The following GPR176 variants were observed in gnomAD, a reference collection of about 807,000 sequenced individuals.
GPR176 encodes the protein G-protein coupled receptor 176.
Under a neutral mutation model 35.4 loss-of-function variants are expected in GPR176, and 26 were observed. The observed-to-expected ratio is 0.74, with a 90% CI of 0.54 to 1.02. The LOEUF (loss-of-function observed/expected upper bound fraction) is 1.02. Ranked by LOEUF, GPR176 falls within the 50% of genes least tolerant of loss-of-function variation. GPR176 has a pLI of 0.00. For missense variants in GPR176, 597 were observed against 665.3 expected (o/e 0.90, Z 1.13); for synonymous variants, 278 against 271.3 (o/e 1.02, Z -0.24).
At chr15:39,806,883 T>C in intron 2 of GPR176, 123 bp downstream of exon 2, 2 of 829,394 alleles carry the variant, frequency 2.4e-6, no homozygotes, top group Non-Finnish European at 3.7e-6. Flanking sequence ...ATTCCCTTTC[T>C]GTTGATCACA....
At chr15:39,841,671 T>C (rs901217364) in intron 1 of GPR176, among the ~76,000 whole-genome samples, 7 of 152,146 alleles carry the variant, frequency 4.6e-5, no homozygotes, top group Admixed American at 1.3e-4. Context: ...CCTGCCAACA[T>C]TGATTTCAGA....
chr15:39,888,492 G>A (rs895405985), intron 1 of GPR176, among the ~76,000 whole-genome samples: 6 of 152,158 alleles, frequency 3.9e-5, no homozygotes, highest in African/African-American at 1.2e-4. Flanking sequence ...GCCATGCTGT[G>A]ATCATAACTC....
At chr15:39,873,230 T>TCTC (rs2032114677) in intron 1 of GPR176, among the ~76,000 whole-genome samples, 1 of 152,154 alleles carries the variant, frequency 6.6e-6, no homozygotes, top group Non-Finnish European at 1.5e-5. Flanking sequence ...CTTAGAGAAG[T>TCTC]TAAGCAGCTC....
intron 1 of GPR176, among the ~76,000 whole-genome samples, chr15:39,880,271 G>T (rs990441012): frequency 3.3e-5 from 5 of 152,108 alleles, no homozygotes; most frequent in East Asian, 3.9e-4. Flanking sequence ...GTCTCTCCCT[G>T]CTGGGTCTGA....
chr15:39,863,925 A>G lies in GPR176; in HGVS notation c.172+55930T>C, dbSNP rs2031718205. ...CCCCATGGTTAAGCAAAGCATGACT[A>G]TGTATTGAATATAAGGCTTGTATAT... is the stretch of plus-strand genomic sequence containing the variant. On this transcript the variant is annotated intron_variant, in intron 1 of 2. Transcript: ENST00000561100. Among the ~76,000 whole-genome samples, 3 of 152,194 alleles carry G rather than the reference A, an allele frequency of 2.0e-5. 1 individual carries two copies. The South Asian group carries it at 6.2e-4, about 32-fold the overall frequency.
intron 1 of GPR176, among the ~76,000 whole-genome samples, chr15:39,908,811 G>A (rs991697521): frequency 2.6e-5 from 4 of 152,138 alleles, no homozygotes; most frequent in East Asian, 1.9e-4. Context: ...TATCAAGGAC[G>A]TTGATTGATT....
At chr15:39,802,302 A>C (rs1438132358) in intron 2 of GPR176, 48 bp from the exon 3 acceptor site, 1 of 1,412,218 alleles carries the variant, frequency 7.1e-7, no homozygotes, top group Non-Finnish European at 9.6e-7. Context: ...TACTTTTTAA[A>C]TTAGGGGAAC....
chr15:39,847,233 C>A (rs1226596038), intron 1 of GPR176, among the ~76,000 whole-genome samples: 2 of 135,580 alleles, frequency 1.5e-5, no homozygotes, highest in Non-Finnish European at 3.5e-5. Flanking sequence ...AGAGAATAAA[C>A]AGAAAACAAA....
chr15:39,876,745 T>C (rs766921314), intron 1 of GPR176, among the ~76,000 whole-genome samples: 3 of 151,750 alleles, frequency 2.0e-5, no homozygotes, highest in East Asian at 1.9e-4. Context: ...GGGAGGATGG[T>C]TGGAGCCCAG....
At chr15:39,912,104 G>A (rs8030654) in intron 1 of GPR176, among the ~76,000 whole-genome samples, 8 of 152,266 alleles carry the variant, frequency 5.3e-5, no homozygotes, top group South Asian at 2.1e-4. Flanking sequence ...ACAAGAAAAC[G>A]AGGTTTATGA....
intron 1 of GPR176, among the ~76,000 whole-genome samples, chr15:39,910,346 G>C (rs2033544089): frequency 6.6e-6 from 1 of 152,198 alleles, no homozygotes; most frequent in Non-Finnish European, 1.5e-5. Flanking sequence ...CCAGCACTTT[G>C]GGAGGCCAAG....
Position 39,800,341 on chromosome 15 carries a change from G to A in GPR176, c.*791C>T, listed in dbSNP as rs1413993395. 2 of 152,090 alleles carry A rather than the reference G, an allele frequency of 1.3e-5. No individual in the cohort carries two copies. Among genetic ancestry groups the A allele is most frequent in the East Asian group, 1.9e-4 (1 of 5,194 alleles). 9.4% of individuals were successfully genotyped at this position (152,090 alleles called of 1,614,324 possible). Reference sequence around the variant, plus strand: ...CCCGTAAGCTTCTCTCTCATTTGTTGAGAAAACACAATTTAAGGTGAAAGA... The same window carrying A: ...CCCGTAAGCTTCTCTCTCATTTGTTAAGAAAACACAATTTAAGGTGAAAGA... On this transcript the variant is annotated 3_prime_UTR_variant, in exon 3 of 3. Transcript: ENST00000561100.
At chr15:39,894,247 G>A (rs1238388473) in intron 1 of GPR176, among the ~76,000 whole-genome samples, 4 of 140,536 alleles carry the variant, frequency 2.8e-5, no homozygotes, top group African/African-American at 1.0e-4. Context: ...CGGGGCGGCT[G>A]GCCGGGTTGG....
intron 1 of GPR176, among the ~76,000 whole-genome samples, chr15:39,869,004 CAAA>C (rs113653046): frequency 7.1e-6 from 1 of 140,186 alleles, no homozygotes; most frequent in Non-Finnish European, 1.6e-5. Context: ...AATTCTGTCT[CAAA>C]AAAAAAAAAA....
At position 39,807,058 on chromosome 15, in the gene GPR176, T is replaced by C. The variant is rs142231161; in HGVS notation, c.373A>G (p.Lys125Glu). ...AGGATGGTCACAGAGCAGAATACTT[T>C]GTGCAAAAATTTGACGACCTTGCAG... ...LFCKVVKFLH[K>E]VFCSVTILSF... is the part of the protein sequence containing the mutation. Residue 125 changes from lysine to glutamate, a missense_variant, in exon 2 of 3, where the codon AAA (lysine) becomes GAA (glutamate). By Grantham distance (56) the Lys-to-Glu change is moderately conservative. Coordinates refer to ENST00000561100, the MANE Select transcript of GPR176 (RefSeq NM_007223.3). The C allele has an allele frequency of 1.2e-6, 2 of 1,613,856 alleles. No individual in the cohort carries two copies. Among genetic ancestry groups the C allele is most frequent in the East Asian group, 2.2e-5 (1 of 44,896 alleles).
intron 1 of GPR176, among the ~76,000 whole-genome samples, chr15:39,824,910 T>C (rs1470988069): frequency 3.3e-5 from 5 of 152,152 alleles, no homozygotes; most frequent in African/African-American, 9.7e-5. Context: ...ATGTTTACTG[T>C]TACAATGGTT....
At chr15:39,902,130 A>G (rs571217381) in intron 1 of GPR176, among the ~76,000 whole-genome samples, 14 of 152,196 alleles carry the variant, frequency 9.2e-5, no homozygotes, top group African/African-American at 1.4e-4. Flanking sequence ...CAAACCCACT[A>G]AAACAGAATT....
chr15:39,860,212 A>T (rs2031504125), intron 1 of GPR176, among the ~76,000 whole-genome samples: 1 of 152,254 alleles, frequency 6.6e-6, no homozygotes, highest in South Asian at 2.1e-4. Flanking sequence ...AATGCAAAGA[A>T]TGTAGACAGA....
intron 1 of GPR176, among the ~76,000 whole-genome samples, chr15:39,913,771 G>A (rs568282203): frequency 6.6e-6 from 1 of 152,178 alleles, no homozygotes; most frequent in Admixed American, 6.5e-5. Context: ...AGTTGGCCGG[G>A]CGCGGTGGCT....
Sources: allele counts gnomAD v4.1 joint callset (sites outside exome capture counted in the v4.1 genomes callset), GRCh38; gene constraint gnomAD v4.1.1; transcripts MANE v1.5; gene names NCBI Gene and HGNC (gene_info 2026-07-23, HGNC 2026-07-21).